ARFGEF3: variants seen among roughly 807,000 people sequenced by gnomAD.
ARFGEF3 encodes the protein brefeldin A-inhibited guanine nucleotide-exchange protein 3.
A neutral mutation model predicts 221.7 loss-of-function variants in ARFGEF3; 96 were observed. The observed-to-expected ratio is 0.43, with a 90% CI of 0.37 to 0.51. The LOEUF (loss-of-function observed/expected upper bound fraction) is 0.51. Ranked by LOEUF, ARFGEF3 falls within the 20% of genes least tolerant of loss-of-function variation. The pLI is 0.00. For missense variants in ARFGEF3, 2,410 were observed against 2,789.9 expected (o/e 0.86, Z 3.07); for synonymous variants, 1,145 against 1,126.8 (o/e 1.02, Z -0.32).
chr6:138,208,208 G>A (rs1777658440), intron 3 of ARFGEF3, among the ~76,000 whole-genome samples: 2 of 151,920 alleles, frequency 1.3e-5, no homozygotes, highest in South Asian at 2.1e-4. Flanking sequence ...TTACTGAATC[G>A]TGTTAACTGA....
chr6:138,165,619 C>T (rs1776709576), intron 1 of ARFGEF3, among the ~76,000 whole-genome samples: 1 of 151,574 alleles, frequency 6.6e-6, no homozygotes, highest in South Asian at 2.1e-4. Context: ...CTGAGACCCT[C>T]ATGGGAGAGA....
chr6:138,322,802 G>GA lies in ARFGEF3; in HGVS notation c.4767-854dup, dbSNP rs112516953. ...AGAGCAAGATTCAGTCTCAAAAAAAGAAAAAAAAAAAAAAAGGGATTCTGT... is the reference window on the plus strand; with the variant it reads ...AGAGCAAGATTCAGTCTCAAAAAAAGAAAAAAAAAAAAAAAAGGGATTCTGT... On this transcript the variant is annotated intron_variant, in intron 29 of 33. Transcript: ENST00000251691. Among the ~76,000 whole-genome samples the GA allele has an allele frequency of 4.1e-3, 367 of 89,878 alleles. 1 individual carries two copies. Among genetic ancestry groups the GA allele is most frequent in the Middle Eastern group, 0.019 (3 of 154 alleles). 59.0% of individuals were successfully genotyped at this position (89,878 alleles called of 152,430 possible).
intron 12 of ARFGEF3, among the ~76,000 whole-genome samples, chr6:138,266,364 G>A (rs1055175320): frequency 2.0e-5 from 3 of 151,998 alleles, no homozygotes; most frequent in Admixed American, 1.3e-4. Context: ...AAAACGGAAG[G>A]GAAAAGGGAA....
In ARFGEF3 at chr6:138,162,308, T is replaced by A; in HGVS notation, c.85+137T>A. ...CGATTGCGAGAGTCGCCTCGGGAAA[T>A]TGATGTGGGATTTGAGAGTCTTGGC... On this transcript the variant is annotated intron_variant, in intron 1 of 33. Coordinates refer to ENST00000251691, the MANE Select transcript of ARFGEF3 (RefSeq NM_020340.5). This position sits in a 1 kb window ranked among gnomAD's most constrained non-coding sequence, Gnocchi z 4.7. 3.6e-6 allele frequency: 2 copies of A among 563,242 alleles called. No individual in the cohort carries two copies. The highest frequency in any genetic ancestry group is 6.1e-6 in the Non-Finnish European group (2 of 327,706). 34.9% of individuals were successfully genotyped at this position (563,242 alleles called of 1,614,324 possible).
intron 31 of ARFGEF3, among the ~76,000 whole-genome samples, chr6:138,325,845 G>T (rs982416421): frequency 6.6e-6 from 1 of 151,428 alleles, no homozygotes; most frequent in Non-Finnish European, 1.5e-5. Flanking sequence ...TGTTGTTTTT[G>T]TTGTTGTTGT....
At chr6:138,292,483 ACATG>A (rs911180301) in intron 19 of ARFGEF3, among the ~76,000 whole-genome samples, 4 of 152,232 alleles carry the variant, frequency 2.6e-5, no homozygotes, top group African/African-American at 9.6e-5. Context: ...CAAAAATCCC[ACATG>A]CATGTGTTAC....
At chr6:138,204,803 G>A (rs1053386240) in intron 2 of ARFGEF3, among the ~76,000 whole-genome samples, 2 of 152,140 alleles carry the variant, frequency 1.3e-5, no homozygotes, top group South Asian at 2.1e-4. Flanking sequence ...TTGGATTCAC[G>A]TCTGTGTGAT....
chr6:138,333,118 A>C (rs577944920), intron 32 of ARFGEF3, among the ~76,000 whole-genome samples: 23 of 152,362 alleles, frequency 1.5e-4, no homozygotes, highest in Non-Finnish European at 2.5e-4. Flanking sequence ...TCATAAAATT[A>C]TAAGAGCAGT....
rs892569365 is a variant in ARFGEF3 at position 138,342,807 on chromosome 6, C to T, written c.*6321C>T. On this transcript the variant is annotated 3_prime_UTR_variant, in exon 34 of 34. Transcript: ENST00000251691. ...AGCCATTTGAGATGAGATGAGACTA[C>T]TTGTTGTACCTTCATCTTTCATTTA... is the stretch of plus-strand genomic sequence containing the variant. The T allele has an allele frequency of 6.6e-6, 1 of 152,184 alleles. No homozygotes were observed. Among genetic ancestry groups the T allele is most frequent in the Non-Finnish European group, 1.5e-5 (1 of 68,044 alleles). 9.4% of individuals were successfully genotyped at this position (152,184 alleles called of 1,614,324 possible).
At chr6:138,302,441 A>C (rs1162980874) in intron 22 of ARFGEF3, among the ~76,000 whole-genome samples, 1 of 152,226 alleles carries the variant, frequency 6.6e-6, no homozygotes, top group South Asian at 2.1e-4. Context: ...ACAAAGCCTC[A>C]GAGATTTGTA....
chr6:138,295,576 G>C (rs1779494466), intron 20 of ARFGEF3, among the ~76,000 whole-genome samples: 1 of 149,682 alleles, frequency 6.7e-6, no homozygotes, highest in Non-Finnish European at 1.5e-5. Context: ...GTTGCAGTGA[G>C]CTGAGATTGC....
chr6:138,236,265 A>G (rs1583025632), intron 5 of ARFGEF3, among the ~76,000 whole-genome samples: 1 of 152,296 alleles, frequency 6.6e-6, no homozygotes, highest in East Asian at 1.9e-4. Flanking sequence ...TCCCCCATAA[A>G]TTTAAAATGG....
At chr6:138,234,812 ATAC>A (rs1778255715) in intron 5 of ARFGEF3, among the ~76,000 whole-genome samples, 1 of 152,208 alleles carries the variant, frequency 6.6e-6, no homozygotes, top group Non-Finnish European at 1.5e-5. Flanking sequence ...AGTTGAAAAT[ATAC>A]TAGCTCACCT....
chr6:138,334,834 G>T lies in ARFGEF3; in HGVS notation c.5988G>T (p.Lys1996Asn), dbSNP rs767616382. The T allele has an allele frequency of 8.7e-6, 14 of 1,600,192 alleles. No homozygotes were observed. The highest frequency in any genetic ancestry group is 1.7e-5 in the Admixed American group (1 of 57,634). Reference sequence around the variant, plus strand: ...TGCCCCCCAGCCCCAAAGTGGAGAAGAAGGATCCCAGCCGGAAGAAGGAGT... The same window carrying T: ...TGCCCCCCAGCCCCAAAGTGGAGAATAAGGATCCCAGCCGGAAGAAGGAGT... ...LLLPPSPKVE[K>N]KDPSRKKEWW... is the part of the protein sequence containing the mutation. Residue 1996 changes from lysine (K) to asparagine (N), a missense_variant, in exon 33 of 34, where the codon AAG (lysine) becomes AAT (asparagine). Lys to Asn is a moderately conservative substitution (Grantham distance 94). Around this residue, in one of 5 missense-constraint regions of ARFGEF3, gnomAD observed 339 missense variants for 334.9 expected, o/e 1.01. Transcript: ENST00000251691. This position sits in a 1 kb window ranked among gnomAD's most constrained non-coding sequence, Gnocchi z 5.1.
intron 2 of ARFGEF3, among the ~76,000 whole-genome samples, chr6:138,187,315 C>T (rs1038578346): frequency 6.6e-6 from 1 of 152,178 alleles, no homozygotes; most frequent in East Asian, 1.9e-4. Context: ...CCAGGATTAT[C>T]CCCTCTGTTT....
At chr6:138,288,943 T>C (rs1282272428) in intron 17 of ARFGEF3, among the ~76,000 whole-genome samples, 1 of 151,644 alleles carries the variant, frequency 6.6e-6, no homozygotes, top group Non-Finnish European at 1.5e-5. Flanking sequence ...TCTTTCTCAT[T>C]AGTCATCTAC....
intron 4 of ARFGEF3, among the ~76,000 whole-genome samples, chr6:138,211,916 A>G (rs1583013386): frequency 2.0e-5 from 3 of 152,220 alleles, no homozygotes; most frequent in Non-Finnish European, 4.4e-5. Flanking sequence ...GGACTCTCCA[A>G]TGACACCATT....
intron 12 of ARFGEF3, among the ~76,000 whole-genome samples, chr6:138,277,562 A>G (rs1779121760): frequency 6.6e-6 from 1 of 152,240 alleles, no homozygotes; most frequent in African/African-American, 2.4e-5. Flanking sequence ...AGTTGTATTA[A>G]TAACTTTTCT....
At position 138,313,857 on chromosome 6, in the gene ARFGEF3, C is replaced by T. The variant is rs780168624; in HGVS notation, c.4263C>T (p.Gly1421=). 20 of 1,613,834 alleles carry T rather than the reference C, an allele frequency of 1.2e-5. No homozygotes were observed. In the African/African-American group the frequency reaches 2.7e-4, roughly 22 times the overall value. ...TATTCCTTAGTGGGAGACTTGCCGG[C>T]TTGCCTCGAAGACTTCAGGAACAGT... ...KPIFLSGRLA[G]LPRRLQEQSA... The change falls in exon 26 of 34, where the codon GGC becomes GGT. Residue 1421 remains glycine, a synonymous_variant. Coordinates refer to ENST00000251691, the MANE Select transcript of ARFGEF3 (RefSeq NM_020340.5).
Sources: gnomAD v4.1 joint callset for allele counts (sites outside exome capture counted in the v4.1 genomes callset) on GRCh38, gnomAD v4.1.1 for gene constraint, gnomAD v4.1.1 regional missense constraint, Gnocchi (gnomAD v3.1) non-coding constraint, MANE v1.5 for transcripts, NCBI Gene and HGNC (gene_info 2026-07-23, HGNC 2026-07-21) for gene names.